The following GPR101 variants were observed in gnomAD, a reference collection of about 807,000 sequenced individuals.
The protein encoded by GPR101 is G protein-coupled receptor 101, also known as probable G protein-coupled receptor 101.
Under a neutral mutation model 16.4 loss-of-function variants are expected in GPR101, and 8 were observed. The ratio of observed to expected loss-of-function variants is 0.49; its 90% confidence interval spans 0.29 to 0.88. The LOEUF (loss-of-function observed/expected upper bound fraction) is 0.88, where lower values mean the gene tolerates loss of function less well. Ranked by LOEUF, GPR101 falls within the 40% of genes least tolerant of loss-of-function variation. The pLI is 0.09. For missense variants in GPR101, 375 were observed against 411.7 expected (o/e 0.91, Z 0.77); for synonymous variants, 155 against 168.7 (o/e 0.92, Z 0.63).
Position 137,029,500 on chromosome X carries a change from G to A in GPR101, c.*648C>T, listed in dbSNP as rs758270813. 2.1e-4 allele frequency among the ~76,000 whole-genome samples: 24 copies of A among 112,344 alleles called. No homozygotes were observed. Among genetic ancestry groups the A allele is most frequent in the South Asian group, 1.1e-3 (3 of 2,677 alleles). On this transcript the variant is annotated 3_prime_UTR_variant, in exon 2 of 2. Coordinates refer to ENST00000651716, the MANE Select transcript of GPR101 (RefSeq NM_054021.2). ...TTTCTCAATCTTTTCCCTTGGACTA[G>A]CTTCCCATTTCATACATGTCCTTCT...
At position 137,029,007 on chromosome X, in the gene GPR101, C is replaced by A. The variant is rs979081028; in HGVS notation, c.*1141G>T. 8.9e-6 allele frequency among the ~76,000 whole-genome samples: 1 copy of A among 112,228 alleles called. No individual in the cohort carries two copies. The highest frequency in any genetic ancestry group is 3.2e-5 in the African/African-American group (1 of 30,902). On this transcript the variant is annotated 3_prime_UTR_variant, in exon 2 of 2. Transcript: ENST00000651716. ...AAGAGAGCCACAGGTGGAAAAGACA[C>A]ATGGGTGTGCCTGGAGGAAGAAAAA...
chrX:137,030,900 C>T lies in GPR101; in HGVS notation c.775G>A (p.Glu259Lys), dbSNP rs1409084997. The T allele has an allele frequency of 9.9e-6, 12 of 1,209,899 alleles. No homozygotes were observed. The highest frequency in any genetic ancestry group is 1.3e-5 in the Non-Finnish European group (12 of 895,253). ...GAEKKEEFQD[E>K]SEFRRQHEGE... ...TCATGCTGGCGGCGAAACTCACTCT[C>T]ATCCTGGAACTCCTCCTTCTTCTCT... Residue 259 changes from glutamate to lysine, a missense_variant, in exon 2 of 2, where the codon GAG becomes AAG. Transcript: ENST00000651716.
At position 137,033,951 on chromosome X, in the gene GPR101, C is replaced by A. The variant is rs1461801909; in HGVS notation, c.-242G>T. 2.7e-5 allele frequency among the ~76,000 whole-genome samples: 3 copies of A among 111,581 alleles called. No homozygotes were observed. The Admixed American group carries it at 2.8e-4, about 10-fold the overall frequency. On this transcript the variant is annotated 5_prime_UTR_variant, in exon 1 of 2. Coordinates refer to ENST00000651716, the MANE Select transcript of GPR101 (RefSeq NM_054021.2). ...CGGGCGCGGCAGGAGCGGGGCACAG[C>A]GTCTGTGCCCGCACGTCCGGCCAGC...
chrX:137,030,785 C>T lies in GPR101; in HGVS notation c.890G>A (p.Ser297Asn). 2 of 1,211,777 alleles carry T rather than the reference C, an allele frequency of 1.7e-6. No individual in the cohort carries two copies. Among genetic ancestry groups the T allele is most frequent in the Non-Finnish European group, 2.2e-6 (2 of 895,555 alleles). Residue 297 changes from serine (S) to asparagine (N), a missense_variant, in exon 2 of 2, where the codon AGT (serine) becomes AAT (asparagine). Coordinates refer to ENST00000651716, the MANE Select transcript of GPR101 (RefSeq NM_054021.2). ...KEGSTGTSES[S>N]VEARGSEEVR... is the part of the protein sequence containing the mutation. ...CTCCTCGCTGCCCCTGGCCTCTACACTACTCTCACTGGTCCCCGTGCTTCC... is the reference window on the plus strand; with the variant it reads ...CTCCTCGCTGCCCCTGGCCTCTACATTACTCTCACTGGTCCCCGTGCTTCC...
Position 137,030,246 on chromosome X carries a change from T to C in GPR101, c.1429A>G (p.Lys477Glu), listed in dbSNP as rs1218830274. The C allele has an allele frequency of 1.7e-6, 2 of 1,211,423 alleles. No individual in the cohort carries two copies. The highest frequency in any genetic ancestry group is 2.2e-6 in the Non-Finnish European group (2 of 895,327). ...DMLKKFFCKEKPPKEDSHPDL... is the reference protein window; with the variant it reads ...DMLKKFFCKEEPPKEDSHPDL... ...GGGTGGCTATCTTCTTTCGGGGGCT[T>C]TTCCTTGCAGAAGAACTTCTTCAGC... The change falls in exon 2 of 2, where the codon AAG (lysine) becomes GAG (glutamate). Residue 477 changes from lysine (K) to glutamate (E), a missense_variant. Transcript: ENST00000651716.
rs779616372 is a variant in GPR101, at chrX:137,029,521, C to T, written c.*627G>A. Among the ~76,000 whole-genome samples the T allele has an allele frequency of 8.9e-6, 1 of 112,107 alleles. No individual in the cohort carries two copies. The highest frequency in any genetic ancestry group is 1.9e-5 in the Non-Finnish European group (1 of 53,239). Reference sequence around the variant, plus strand: ...ACTAGCTTCCCATTTCATACATGTCCTTCTACTTTTCTGGATCCCTTTAGG... The same window carrying T: ...ACTAGCTTCCCATTTCATACATGTCTTTCTACTTTTCTGGATCCCTTTAGG... On this transcript the variant is annotated 3_prime_UTR_variant, in exon 2 of 2. Transcript: ENST00000651716.
At position 137,029,641 on chromosome X, in the gene GPR101, C is replaced by T. The variant is rs1388411340; in HGVS notation, c.*507G>A. On this transcript the variant is annotated 3_prime_UTR_variant, in exon 2 of 2. Coordinates refer to ENST00000651716, the MANE Select transcript of GPR101 (RefSeq NM_054021.2). ...CACCCGACTGTGGGGCTGTTCAGTT[C>T]AGAATTTGGCTCATATGTTGATCAG... 9.0e-6 allele frequency among the ~76,000 whole-genome samples: 1 copy of T among 111,716 alleles called. No homozygotes were observed. Among genetic ancestry groups the T allele is most frequent in the Non-Finnish European group, 1.9e-5 (1 of 53,179 alleles).
At position 137,030,557 on chromosome X, in the gene GPR101, G is replaced by A. The variant is rs779782375; in HGVS notation, c.1118C>T (p.Pro373Leu). The change falls in exon 2 of 2, where the codon CCG becomes CTG. Residue 373 changes from proline to leucine, a missense_variant. Pro to Leu is a moderately conservative substitution (Grantham distance 98, BLOSUM62 -3). Transcript: ENST00000651716. ...SEDDVEAVNI[P>L]ESLPPSRRNS... is the part of the protein sequence containing the mutation. The stretch of plus-strand genomic sequence containing the variant: ...ACGACGACTGGGTGGGAGGCTCTCC[G>A]GGATGTTCACTGCCTCGACGTCATC... 5.8e-6 allele frequency: 7 copies of A among 1,208,889 alleles called. No homozygotes were observed. The highest frequency in any genetic ancestry group is 3.5e-5 in the South Asian group (2 of 56,573).
chrX:137,029,148 T>TGTGG lies in GPR101; in HGVS notation c.*999_*1000insCCAC, dbSNP rs1927210566. On this transcript the variant is annotated 3_prime_UTR_variant, in exon 2 of 2. Transcript: ENST00000651716. The stretch of plus-strand genomic sequence containing the variant: ...TATTCCTCAGTGACATCATGAATTT[T>TGTGG]GTAGGACTTAGGCCACTTCTAGTTG... Among the ~76,000 whole-genome samples, 2 of 112,602 alleles carry TGTGG rather than the reference T, an allele frequency of 1.8e-5. No homozygotes were observed. The highest frequency in any genetic ancestry group is 6.5e-5 in the African/African-American group (2 of 30,957).
At chrX:137,032,261 C>T (rs1427974189) in intron 1 of GPR101, among the ~76,000 whole-genome samples, 1 of 110,996 alleles carries the variant, frequency 9.0e-6, no homozygotes, top group Non-Finnish European at 1.9e-5. Flanking sequence ...AGCACGTGCA[C>T]GCTGTCTCTT....
chrX:137,033,255 G>A (rs1159077256), intron 1 of GPR101, among the ~76,000 whole-genome samples: 1 of 109,306 alleles, frequency 9.1e-6, no homozygotes, highest in Admixed American at 9.9e-5. Context: ...GAGGGGAGTG[G>A]GAAAGGAGCT....
At position 137,027,542 on chromosome X, in the gene GPR101, A is replaced by G. The variant is rs1275489458; in HGVS notation, c.*2606T>C. ...TATCTCCAAGCTAACCATAGGCCTT[A>G]TTGTTCATTTAGAAGAAAATGTCAT... On this transcript the variant is annotated 3_prime_UTR_variant, in exon 2 of 2. Transcript: ENST00000651716. Among the ~76,000 whole-genome samples the G allele has an allele frequency of 8.9e-6, 1 of 112,114 alleles. No individual in the cohort carries two copies. Among genetic ancestry groups the G allele is most frequent in the African/African-American group, 3.2e-5 (1 of 30,828 alleles).
In GPR101 at chrX:137,028,200, A is replaced by G. The variant is rs897126707; in HGVS notation, c.*1948T>C. Among the ~76,000 whole-genome samples the G allele has an allele frequency of 1.8e-5, 2 of 112,255 alleles. No homozygotes were observed. Among genetic ancestry groups the G allele is most frequent in the South Asian group, 3.7e-4 (1 of 2,687 alleles). ...CTTGTCTGAATAACTACAAGTTCCA[A>G]ATTAATGGAGTTGGAATTAATAAGG... is the stretch of plus-strand genomic sequence containing the variant. On this transcript the variant is annotated 3_prime_UTR_variant, in exon 2 of 2. Transcript: ENST00000651716.
Position 137,031,091 on chromosome X carries a change from A to G in GPR101, c.584T>C (p.Leu195Pro). Residue 195 changes from leucine to proline, a missense_variant, in exon 2 of 2, where the codon CTC (leucine) becomes CCC (proline). Leu to Pro is a moderately conservative substitution (Grantham distance 98). Coordinates refer to ENST00000651716, the MANE Select transcript of GPR101 (RefSeq NM_054021.2). ...IWGASPSYTILSVVSFIVIPL... is the reference protein window; with the variant it reads ...IWGASPSYTIPSVVSFIVIPL... ...AATGACGATGAAGGACACCACGCTG[A>G]GAATAGTGTAGCTGGGGCTGGCCCC... is the stretch of plus-strand genomic sequence containing the variant. 4 of 1,212,002 alleles carry G rather than the reference A, an allele frequency of 3.3e-6. No homozygotes were observed. The Middle Eastern group carries it at 9.2e-4, about 278-fold the overall frequency.
In GPR101 at chrX:137,025,561, CAGAT is replaced by C. The variant is rs781501229; in HGVS notation, c.*4583_*4586del. On this transcript the variant is annotated 3_prime_UTR_variant, in exon 2 of 2. Coordinates refer to ENST00000651716, the MANE Select transcript of GPR101 (RefSeq NM_054021.2). ...TTTTTCTCTACATTTTAGAACAAGA[CAGAT>C]AGAATAATTATTCCTCAGACATAGT... is the stretch of plus-strand genomic sequence containing the variant. Among the ~76,000 whole-genome samples, 4 of 112,519 alleles carry C rather than the reference CAGAT, an allele frequency of 3.6e-5. No homozygotes were observed. Among genetic ancestry groups the C allele is most frequent in the Non-Finnish European group, 7.5e-5 (4 of 53,317 alleles).
chrX:137,030,802 C>T lies in GPR101; in HGVS notation c.873G>A (p.Thr291=), dbSNP rs754757908. The change falls in exon 2 of 2, where the codon ACG becomes ACA. Residue 291 remains threonine, a synonymous_variant. Transcript: ENST00000651716. The stretch of plus-strand genomic sequence containing the variant: ...CCTCTACACTACTCTCACTGGTCCC[C>T]GTGCTTCCTTCCTTGGCCTTCAGGC... ...DGSLKAKEGS[T]GTSESSVEAR... is the part of the protein sequence containing the mutation. The T allele has an allele frequency of 8.3e-7, 1 of 1,211,765 alleles. No homozygotes were observed. The highest frequency in any genetic ancestry group is 1.1e-6 in the Non-Finnish European group (1 of 895,535).
In GPR101 at chrX:137,030,739, C is replaced by T; in HGVS notation, c.936G>A (p.Val312=). Residue 312 remains valine (V), a synonymous_variant, in exon 2 of 2, where the codon GTG becomes GTA. Transcript: ENST00000651716. The part of the protein sequence containing the change: ...GSEEVRESST[V]ASDGSMEGKE... ...TACCCTCCATGCTGCCGTCGCTGGC[C>T]ACCGTGCTGCTCTCTCTGACCTCCT... 1 of 1,211,275 alleles carries T rather than the reference C, an allele frequency of 8.3e-7. No individual in the cohort carries two copies. Among genetic ancestry groups the T allele is most frequent in the East Asian group, 3.0e-5 (1 of 33,822 alleles).
At position 137,027,295 on chromosome X, in the gene GPR101, ATTT is replaced by A. The variant is rs34085967; in HGVS notation, c.*2850_*2852del. Among the ~76,000 whole-genome samples the A allele has an allele frequency of 4.2e-5, 4 of 94,624 alleles. No homozygotes were observed. The highest frequency in any genetic ancestry group is 1.2e-4 in the Admixed American group (1 of 8,334). 82.2% of individuals were successfully genotyped at this position (94,624 alleles called of 115,157 possible). ...TGTCTGGCCCCTGTACTTTAATGGGATTTTTTTTTTTTTTTTTACTGCACATAT... is the reference window on the plus strand; with the variant it reads ...TGTCTGGCCCCTGTACTTTAATGGGATTTTTTTTTTTTTTACTGCACATAT... On this transcript the variant is annotated 3_prime_UTR_variant, in exon 2 of 2. Coordinates refer to ENST00000651716, the MANE Select transcript of GPR101 (RefSeq NM_054021.2).
rs1372852066 is a variant in GPR101, at chrX:137,026,612, A to G, written c.*3536T>C. Among the ~76,000 whole-genome samples, 1 of 111,935 alleles carries G rather than the reference A, an allele frequency of 8.9e-6. No homozygotes were observed. The highest frequency in any genetic ancestry group is 3.3e-5 in the African/African-American group (1 of 30,756). On this transcript the variant is annotated 3_prime_UTR_variant, in exon 2 of 2. Transcript: ENST00000651716. ...TAGGTGAAACATTTTTTAGTGTTCT[A>G]TTTTTGCTGAAATAATTGGACAGTA...
Sources: gnomAD v4.1 joint callset for allele counts (sites outside exome capture counted in the v4.1 genomes callset) on GRCh38, gnomAD v4.1.1 for gene constraint, MANE v1.5 for transcripts, NCBI Gene and HGNC (gene_info 2026-07-23, HGNC 2026-07-21) for gene names.